The following HDAC1 variants were observed in gnomAD, a reference collection of about 807,000 sequenced individuals.
HDAC1 encodes histone deacetylase 1.
In HDAC1, 18 loss-of-function variants were observed where a neutral mutation model predicts 65.5. The observed-to-expected ratio is 0.27, with a 90% CI of 0.19 to 0.41. The LOEUF (loss-of-function observed/expected upper bound fraction) is 0.41, where lower values mean the gene tolerates loss of function less well. Ranked by LOEUF, HDAC1 falls within the 10% of genes least tolerant of loss-of-function variation. The pLI is 1.00. For missense variants in HDAC1, 373 were observed against 625.2 expected, an observed-to-expected ratio of 0.60 and a Z score of 4.30; for synonymous variants, 211 against 227.9, an observed-to-expected ratio of 0.93 and a Z score of 0.67.
At chr1:32,307,241 T>C (rs186917492) in intron 2 of HDAC1, among the ~76,000 whole-genome samples, 72 of 152,178 alleles carry the variant, frequency 4.7e-4, no homozygotes, top group Admixed American at 2.6e-3. Flanking sequence ...GTGAAACTCC[T>C]TCCCAAAAAT....
At chr1:32,320,899 C>CA (rs1160071616) in intron 3 of HDAC1, among the ~76,000 whole-genome samples, 3,454 of 22,996 alleles carry the variant, frequency 0.15, 453 homozygotes, top group Non-Finnish European at 0.18. Flanking sequence ...GACTCCATCT[C>CA]AAAAAAAAAA....
intron 4 of HDAC1, among the ~76,000 whole-genome samples, chr1:32,326,253 T>C (rs539197542): frequency 4.6e-5 from 7 of 151,526 alleles, no homozygotes; most frequent in Non-Finnish European, 7.4e-5. Flanking sequence ...CTCCGCCTCC[T>C]GGGTTCAAGC....
intron 1 of HDAC1, among the ~76,000 whole-genome samples, chr1:32,296,605 C>G (rs1436934215): frequency 3.3e-5 from 5 of 152,160 alleles, no homozygotes; most frequent in Admixed American, 6.6e-5. Context: ...TCTCAAACTC[C>G]TGAGCTCAAG....
At chr1:32,325,629 C>T (rs1641206507) in intron 4 of HDAC1, among the ~76,000 whole-genome samples, 1 of 152,180 alleles carries the variant, frequency 6.6e-6, no homozygotes, top group Admixed American at 6.5e-5. Flanking sequence ...AGCTTGCTTT[C>T]TTGTGGCTCT....
rs1385309008 is a variant in HDAC1 at position 32,327,053 on chromosome 1, T to C, written c.470T>C (p.Val157Ala). The C allele has an allele frequency of 6.2e-7, 1 of 1,614,140 alleles. No homozygotes were observed. Residue 157 changes from valine to alanine, a missense_variant, in exon 5 of 14, where the codon GTC becomes GCC. Transcript: ENST00000373548. This position sits in a 1 kb window ranked among gnomAD's most constrained non-coding sequence, Gnocchi z 6.0. ...ASGFCYVNDIVLAILELLKYH... is the reference protein window; with the variant it reads ...ASGFCYVNDIALAILELLKYH... Reference sequence around the variant, plus strand: ...GGCTTCTGTTACGTCAATGATATCGTCTTGGCCATCCTGGAACTGCTAAAG... The same window carrying C: ...GGCTTCTGTTACGTCAATGATATCGCCTTGGCCATCCTGGAACTGCTAAAG...
chr1:32,327,901 T>G lies in HDAC1; in HGVS notation c.636+224T>G. 1.7e-6 allele frequency: 1 copy of G among 590,780 alleles called. No individual in the cohort carries two copies. The highest frequency in any genetic ancestry group is 3.1e-6 in the Non-Finnish European group (1 of 327,510). The allele number at this position is 590,780 out of a possible 1,614,324, so 36.6% of individuals were successfully genotyped here. A position where few individuals can be genotyped will look rare whatever the true frequency, so the allele number is the denominator to read the frequency against. ...AAAGAAGAGGGGTCTCCTGACTCAC[T>G]GTACTTTCCTCCTGGCCACAGCTGG... On this transcript the variant is annotated intron_variant, in intron 6 of 13. Transcript: ENST00000373548. This position sits in a 1 kb window ranked among gnomAD's most constrained non-coding sequence, Gnocchi z 6.0.
chr1:32,323,422 T>C (rs2148068512), intron 3 of HDAC1, among the ~76,000 whole-genome samples: 1 of 152,182 alleles, frequency 6.6e-6, no homozygotes, highest in African/African-American at 2.4e-5. Context: ...TGAGACAGGG[T>C]CTCACTCTTG....
At chr1:32,318,700 GACTT>G (rs907173775) in intron 3 of HDAC1, among the ~76,000 whole-genome samples, 6 of 152,106 alleles carry the variant, frequency 3.9e-5, no homozygotes, top group Non-Finnish European at 2.9e-5. Context: ...TTGCTATTAT[GACTT>G]ACTATTTTTA....
rs1430983809 is a variant in HDAC1 at position 32,316,780 on chromosome 1, G to C, written c.278G>C (p.Arg93Thr). The change falls in exon 3 of 14, where the codon AGA becomes ACA. Residue 93 changes from arginine (R) to threonine (T), a missense_variant and splice_region_variant. Coordinates refer to ENST00000373548, the MANE Select transcript of HDAC1 (RefSeq NM_004964.3). ...TCGGAGTACAGCAAGCAGATGCAGAGATGTAAGTCCATTCTGTTCCCTCAC... is the reference window on the plus strand; with the variant it reads ...TCGGAGTACAGCAAGCAGATGCAGACATGTAAGTCCATTCTGTTCCCTCAC... ...NMSEYSKQMQ[R>T]FNVGEDCPVF... 6.3e-7 allele frequency: 1 copy of C among 1,585,324 alleles called. No individual in the cohort carries two copies.
chr1:32,310,664 A>C (rs1028556957), intron 2 of HDAC1, among the ~76,000 whole-genome samples: 1 of 152,146 alleles, frequency 6.6e-6, no homozygotes, highest in Non-Finnish European at 1.5e-5. Flanking sequence ...AGCCTGGCCA[A>C]CATGGTGAAA....
At chr1:32,312,264 C>G (rs190600272) in intron 2 of HDAC1, among the ~76,000 whole-genome samples, 361 of 152,306 alleles carry the variant, frequency 2.4e-3, no homozygotes, top group Non-Finnish European at 4.4e-3. Context: ...TGGATTCCTT[C>G]CAGTTTACCA....
rs999015581 is a variant in HDAC1 at position 32,331,908 on chromosome 1, G to C, written c.1219+102G>C. Reference sequence around the variant, plus strand: ...ACTCCCTCCAAGCTCCCCACCTGTAGAGAAATCTGTTTTCGAGTTCCAGTG... The same window carrying C: ...ACTCCCTCCAAGCTCCCCACCTGTACAGAAATCTGTTTTCGAGTTCCAGTG... On this transcript the variant is annotated intron_variant, in intron 11 of 13. Coordinates refer to ENST00000373548, the MANE Select transcript of HDAC1 (RefSeq NM_004964.3). This position sits in a 1 kb window ranked among gnomAD's most constrained non-coding sequence, Gnocchi z 4.2. 8 of 1,475,414 alleles carry C rather than the reference G, an allele frequency of 5.4e-6. No individual in the cohort carries two copies. In the African/African-American group the frequency reaches 8.5e-5, roughly 16 times the overall value. 91.4% of individuals were successfully genotyped at this position (1,475,414 alleles called of 1,614,324 possible).
rs1641301132 is a variant in HDAC1, at chr1:32,332,157, G to A, written c.1287G>A (p.Gly429=). ...EFSDSEEEGE[G]GRKNSSNFKK... ...CCGATTCTGAAGAGGAGGGAGAGGG[G>A]GGCCGCAAGAACTCTTCCAACTTCA... The change falls in exon 12 of 14, where the codon GGG becomes GGA. Residue 429 remains glycine (G), a synonymous_variant. Coordinates refer to ENST00000373548, the MANE Select transcript of HDAC1 (RefSeq NM_004964.3). 6.2e-7 allele frequency: 1 copy of A among 1,613,424 alleles called. No individual in the cohort carries two copies. Among genetic ancestry groups the A allele is most frequent in the Non-Finnish European group, 8.5e-7 (1 of 1,179,544 alleles).
rs192815584 is a variant in HDAC1 at position 32,325,652 on chromosome 1, T to C, written c.355+1099T>C. 1.3e-3 allele frequency among the ~76,000 whole-genome samples: 205 copies of C among 152,342 alleles called. 2 individuals carry two copies. The highest frequency in any genetic ancestry group is 4.9e-3 in the African/African-American group (202 of 41,576). ...TTCTTGTGGCTCTATGATTATTCCA[T>C]GTTGTGGATTTACTTGAGTTGATAT... On this transcript the variant is annotated intron_variant, in intron 4 of 13. Transcript: ENST00000373548.
intron 4 of HDAC1, 74 bp from the exon 5 acceptor site, chr1:32,326,865 A>G: frequency 1.3e-6 from 2 of 1,551,680 alleles, no homozygotes; most frequent in Non-Finnish European, 1.8e-6. Context: ...ACCTTTCACT[A>G]GGTTCCCTGG....
chr1:32,326,358 T>G (rs1403178167), intron 4 of HDAC1, among the ~76,000 whole-genome samples: 3 of 151,910 alleles, frequency 2.0e-5, no homozygotes, highest in Non-Finnish European at 2.9e-5. Flanking sequence ...AGAGATGAGG[T>G]TTAACCATGT....
chr1:32,309,259 G>A (rs1400848935), intron 2 of HDAC1, among the ~76,000 whole-genome samples: 1 of 152,198 alleles, frequency 6.6e-6, no homozygotes, highest in African/African-American at 2.4e-5. Flanking sequence ...AGTTTGGTGA[G>A]TGTAATGATA....
chr1:32,294,663 C>T (rs571277608), intron 1 of HDAC1, among the ~76,000 whole-genome samples: 3 of 151,840 alleles, frequency 2.0e-5, no homozygotes, highest in Admixed American at 6.6e-5. Context: ...TACAGGCGCC[C>T]GCCACCACAC....
intron 2 of HDAC1, among the ~76,000 whole-genome samples, chr1:32,306,404 C>T (rs776522871): frequency 1.1e-4 from 16 of 152,102 alleles, no homozygotes; most frequent in Middle Eastern, 3.4e-3. Flanking sequence ...GTGATCCGCC[C>T]GCCTTGGCCT....
Sources: allele counts gnomAD v4.1 joint callset (sites outside exome capture counted in the v4.1 genomes callset), GRCh38; gene constraint gnomAD v4.1.1; non-coding constraint Gnocchi (gnomAD v3.1); transcripts MANE v1.5; gene names NCBI Gene and HGNC (gene_info 2026-07-23, HGNC 2026-07-21).